LMNB1: variants seen among roughly 807,000 people sequenced by gnomAD.
The protein encoded by LMNB1 is lamin B1.
LMNB1 carries 23 observed loss-of-function variants against 67.1 expected under a neutral mutation model. The ratio of observed to expected loss-of-function variants is 0.34; its 90% CI spans 0.25 to 0.49. The LOEUF (loss-of-function observed/expected upper bound fraction) is 0.49, where lower values mean the gene tolerates loss of function less well. Ranked by LOEUF, LMNB1 falls within the 20% of genes least tolerant of loss-of-function variation. The pLI is 0.99. For missense variants in LMNB1, 634 were observed against 746.5 expected (o/e 0.85, Z 1.76); for synonymous variants, 281 against 282.9 (o/e 0.99, Z 0.07).
Position 126,810,246 on chromosome 5 carries a change from G to C in LMNB1, c.709G>C (p.Glu237Gln). Residue 237 changes from glutamate (E) to glutamine (Q), a missense_variant, in exon 4 of 11, where the codon GAG (glutamate) becomes CAG (glutamine). Physicochemically the swap from Glu to Gln is conservative, Grantham distance 29 (BLOSUM62 2). Coordinates refer to ENST00000261366, the MANE Select transcript of LMNB1 (RefSeq NM_005573.4). ...AGAGGTGGATTCTGGGCGTCAAATT[G>C]AGTATGAGTACAAGCTGGCGCAAGC... is the stretch of plus-strand genomic sequence containing the variant. ...LVEVDSGRQI[E>Q]YEYKLAQALH... is the part of the protein sequence containing the mutation. 23 of 1,614,018 alleles carry C rather than the reference G, an allele frequency of 1.4e-5. No homozygotes were observed. The highest frequency in any genetic ancestry group is 1.9e-5 in the Non-Finnish European group (23 of 1,179,918).
intron 1 of LMNB1, among the ~76,000 whole-genome samples, chr5:126,789,007 C>T (rs1157238374): frequency 2.0e-5 from 3 of 151,764 alleles, no homozygotes; most frequent in African/African-American, 7.3e-5. Flanking sequence ...GTGATCCTCC[C>T]ACCTCAGCCT....
intron 3 of LMNB1, among the ~76,000 whole-genome samples, chr5:126,806,626 CACA>C (rs1288794796): frequency 3.9e-5 from 6 of 152,082 alleles, no homozygotes; most frequent in Non-Finnish European, 8.8e-5. Context: ...GAGAAAGAAA[CACA>C]ACGAGAACAT....
chr5:126,793,250 A>T (rs965835712), intron 1 of LMNB1, among the ~76,000 whole-genome samples: 15 of 152,142 alleles, frequency 9.9e-5, no homozygotes, highest in Non-Finnish European at 1.2e-4. Flanking sequence ...TTTTAAATGA[A>T]TCAGTCATTT....
intron 1 of LMNB1, among the ~76,000 whole-genome samples, chr5:126,789,197 A>G (rs1750888162): frequency 6.6e-6 from 1 of 152,018 alleles, no homozygotes; most frequent in Non-Finnish European, 1.5e-5. Context: ...GGAGGGAGGC[A>G]TTCTTAAGGG....
chr5:126,777,751 C>G lies in LMNB1; in HGVS notation c.243C>G (p.Leu81=), dbSNP rs896211045. The G allele has an allele frequency of 6.5e-7, 1 of 1,532,504 alleles. No homozygotes were observed. The highest frequency in any genetic ancestry group is 8.8e-7 in the Non-Finnish European group (1 of 1,137,720). The allele number at this position is 1,532,504 out of a possible 1,614,324, so 94.9% of individuals were successfully genotyped here. A position where few individuals can be genotyped will look rare whatever the true frequency, so the allele number is the denominator to read the frequency against. Reference sequence around the variant, plus strand: ...GTGAGCTCACCGGCCTCAAGGCGCTCTACGAGACCGAGCTGGCCGACGCGC... The same window carrying G: ...GTGAGCTCACCGGCCTCAAGGCGCTGTACGAGACCGAGCTGGCCGACGCGC... ...RGRELTGLKA[L]YETELADARR... The change falls in exon 1 of 11, where the codon CTC becomes CTG. Residue 81 remains leucine (L), a synonymous_variant. Transcript: ENST00000261366.
intron 3 of LMNB1, 114 bp downstream of exon 3, chr5:126,805,810 C>A: frequency 1.2e-6 from 1 of 823,588 alleles, no homozygotes; most frequent in Non-Finnish European, 1.8e-6. Flanking sequence ...AAAAATATAT[C>A]AGATAAAGAA....
In LMNB1 at chr5:126,836,944, TGTGTTTTTTAAGATA is replaced by T; in HGVS notation, c.*685_*699del. Reference sequence around the variant, plus strand: ...GGTTTCTCTATTAAAATGCATTCGTTGTGTTTTTTAAGATAGTGTAACTTGCTTAAATTTCTTATG... The same window carrying T: ...GGTTTCTCTATTAAAATGCATTCGTTGTGTAACTTGCTTAAATTTCTTATG... On this transcript the variant is annotated 3_prime_UTR_variant, in exon 11 of 11. Transcript: ENST00000261366. 1 of 398,218 alleles carries T rather than the reference TGTGTTTTTTAAGATA, an allele frequency of 2.5e-6. No homozygotes were observed. The highest frequency in any genetic ancestry group is 1.3e-4 in the South Asian group (1 of 7,850). The allele number at this position is 398,218 out of a possible 1,614,324, so 24.7% of individuals were successfully genotyped here.
Position 126,794,335 on chromosome 5 carries a change from C to G in LMNB1, c.360-10441C>G, listed in dbSNP as rs143267548. ...TTTTTCCCTTTGGAAGGGAAGTTAA[C>G]ATGAGGACAGTGTTGAAGCTGATGA... On this transcript the variant is annotated intron_variant, in intron 1 of 10. Transcript: ENST00000261366. Among the ~76,000 whole-genome samples, 3 of 152,234 alleles carry G rather than the reference C, an allele frequency of 2.0e-5. No homozygotes were observed. The East Asian group carries it at 5.8e-4, about 29-fold the overall frequency.
intron 1 of LMNB1, among the ~76,000 whole-genome samples, chr5:126,795,510 T>C (rs1751064619): frequency 6.6e-6 from 1 of 152,230 alleles, no homozygotes; most frequent in Non-Finnish European, 1.5e-5. Context: ...GTATGTGGTA[T>C]GACTTTTGGA....
At chr5:126,787,945 C>A (rs1369427181) in intron 1 of LMNB1, among the ~76,000 whole-genome samples, 1 of 151,780 alleles carries the variant, frequency 6.6e-6, no homozygotes, top group African/African-American at 2.4e-5. Flanking sequence ...AGAATTGTGA[C>A]ATGATCATTC....
chr5:126,832,591 C>T (rs532858352), intron 9 of LMNB1, 103 bp from the exon 10 acceptor site: 9 of 765,726 alleles, frequency 1.2e-5, no homozygotes, highest in South Asian at 5.9e-5. Flanking sequence ...TGAGCCACTG[C>T]GCCTGGCAAG....
intron 1 of LMNB1, among the ~76,000 whole-genome samples, chr5:126,784,502 C>T (rs1417687812): frequency 6.6e-6 from 1 of 150,878 alleles, no homozygotes; most frequent in Non-Finnish European, 1.5e-5. Flanking sequence ...ATTACAGGCA[C>T]GTGCCACCAC....
intron 1 of LMNB1, among the ~76,000 whole-genome samples, chr5:126,790,827 G>A (rs1459722863): frequency 6.6e-6 from 1 of 151,690 alleles, no homozygotes; most frequent in African/African-American, 2.4e-5. Flanking sequence ...TCAGGAGTTC[G>A]CAACCAGCCT....
chr5:126,815,148 T>G (rs1751676844), intron 5 of LMNB1: 1 of 152,238 alleles, frequency 6.6e-6, no homozygotes, highest in African/African-American at 2.4e-5. Flanking sequence ...TTTGAATATT[T>G]TCCTATTGTT....
chr5:126,820,961 C>T lies in LMNB1; in HGVS notation c.1212C>T (p.Ser404=). Residue 404 remains serine, a synonymous_variant, in exon 7 of 11, where the codon TCC becomes TCT. Coordinates refer to ENST00000261366, the MANE Select transcript of LMNB1 (RefSeq NM_005573.4). The part of the protein sequence containing the change: ...PSSRVTVSRA[S]SSRSVRTTRG... ...CCCGTGTGACAGTATCCCGAGCATC[C>T]TCAAGTCGTAGTGTACGTACAACTA... The T allele has an allele frequency of 6.2e-7, 1 of 1,614,094 alleles. No homozygotes were observed. Among genetic ancestry groups the T allele is most frequent in the Non-Finnish European group, 8.5e-7 (1 of 1,180,020 alleles).
intron 1 of LMNB1, among the ~76,000 whole-genome samples, chr5:126,790,149 T>C (rs1195315626): frequency 6.6e-6 from 1 of 152,148 alleles, no homozygotes; most frequent in Non-Finnish European, 1.5e-5. Context: ...TTGCCCAGAC[T>C]GGAGAGTAGT....
intron 2 of LMNB1, 79 bp from the exon 3 acceptor site, chr5:126,805,491 AT>A: frequency 1.1e-6 from 1 of 937,068 alleles, no homozygotes; most frequent in Non-Finnish European, 1.6e-6. Context: ...ACTTGATTTG[AT>A]TTGATTCATA....
chr5:126,821,572 C>T lies in LMNB1; in HGVS notation c.1386+437C>T, dbSNP rs141662073. ...CTCAGATATTAAGGGAATATTTTTC[C>T]CTGCAAATAAATGAATGAACAAATG... is the stretch of plus-strand genomic sequence containing the variant. On this transcript the variant is annotated intron_variant, in intron 7 of 10. Transcript: ENST00000261366. Among the ~76,000 whole-genome samples, 683 of 152,202 alleles carry T rather than the reference C, an allele frequency of 4.5e-3. 11 individuals carry two copies. Among genetic ancestry groups the T allele is most frequent in the African/African-American group, 0.016 (656 of 41,504 alleles).
chr5:126,806,732 T>C (rs1304802904), intron 3 of LMNB1, among the ~76,000 whole-genome samples: 1 of 152,138 alleles, frequency 6.6e-6, no homozygotes, highest in Non-Finnish European at 1.5e-5. Context: ...CCTTCTCCTA[T>C]GGCTCACATC....
Sources: gnomAD v4.1 joint callset for allele counts (sites outside exome capture counted in the v4.1 genomes callset) on GRCh38, gnomAD v4.1.1 for gene constraint, MANE v1.5 for transcripts, NCBI Gene and HGNC (gene_info 2026-07-23, HGNC 2026-07-21) for gene names.